The following ASB18 variants were observed in gnomAD, a reference collection of about 807,000 sequenced individuals.
ASB18 encodes the protein ankyrin repeat and SOCS box protein 18.
Under a neutral mutation model 33.4 loss-of-function variants are expected in ASB18, and 33 were observed. The ratio of observed to expected loss-of-function variants is 0.99; its 90% CI spans 0.75 to 1.32. ASB18 has a LOEUF of 1.32. ASB18 is among the 40% of genes most tolerant of loss of function. ASB18 has a pLI of 0.00. For missense variants in ASB18, 694 were observed against 655.5 expected (o/e 1.06, Z -0.64); for synonymous variants, 295 against 307.6 (o/e 0.96, Z 0.43).
rs2060479234 is a variant in ASB18 at position 236,214,839 on chromosome 2, C to T, written c.624G>A (p.Gly208=). 2 of 1,212,770 alleles carry T rather than the reference C, an allele frequency of 1.6e-6. No homozygotes were observed. Among genetic ancestry groups the T allele is most frequent in the African/African-American group, 1.6e-5 (1 of 63,216 alleles). 75.1% of individuals were successfully genotyped at this position (1,212,770 alleles called of 1,614,324 possible). The change falls in exon 4 of 6, where the codon GGG becomes GGA. Residue 208 remains glycine, a synonymous_variant. Transcript: ENST00000409749. The surrounding 1 kb of genome is among the most constrained non-coding windows in gnomAD (Gnocchi z 6.5). ...TGCCGCCCACGCGCTGCACCGAGGCCCCGTGCTCCAGCAGCGCCTGCGCGC... is the reference window on the plus strand; with the variant it reads ...TGCCGCCCACGCGCTGCACCGAGGCTCCGTGCTCCAGCAGCGCCTGCGCGC... ...LGCAQALLEH[G]ASVQRVGGTG...
Position 236,199,227 on chromosome 2 carries a change from CATG to C in ASB18, c.1102-2845_1102-2843del, listed in dbSNP as rs1402990813. Among the ~76,000 whole-genome samples the C allele has an allele frequency of 3.3e-5, 5 of 151,942 alleles. No homozygotes were observed. The East Asian group carries it at 7.7e-4, about 23-fold the overall frequency. On this transcript the variant is annotated intron_variant, in intron 4 of 5. Transcript: ENST00000409749. ...AGGAGTTCAAGACCAGCCTGACCAACATGATGAAACCCCTTCTCTACTAAAAAT... is the reference window on the plus strand; with the variant it reads ...AGGAGTTCAAGACCAGCCTGACCAACATGAAACCCCTTCTCTACTAAAAAT...
At position 236,244,614 on chromosome 2, in the gene ASB18, C is replaced by T. The variant is rs2060636031; in HGVS notation, c.206-3212G>A. On this transcript the variant is annotated intron_variant, in intron 1 of 5. Coordinates refer to ENST00000409749, the MANE Select transcript of ASB18 (RefSeq NM_212556.4). The surrounding 1 kb of genome is among the most constrained non-coding windows in gnomAD (Gnocchi z 6.1). ...AAAGGCTGCCTTGTGACTCCCCCTA[C>T]CCCTCGTCAAGTGCCCCCCGACCTC... Among the ~76,000 whole-genome samples, 2 of 152,052 alleles carry T rather than the reference C, an allele frequency of 1.3e-5. No homozygotes were observed. The highest frequency in any genetic ancestry group is 1.3e-4 in the Admixed American group (2 of 15,260).
At position 236,260,192 on chromosome 2, in the gene ASB18, C is replaced by T. The variant is rs1181300656; in HGVS notation, c.205+3949G>A. Among the ~76,000 whole-genome samples, 2 of 123,730 alleles carry T rather than the reference C, an allele frequency of 1.6e-5. No homozygotes were observed. Among genetic ancestry groups the T allele is most frequent in the African/African-American group, 8.9e-5 (2 of 22,546 alleles). 81.2% of individuals were successfully genotyped at this position (123,730 alleles called of 152,430 possible). ...TTTAGAATAAAACTCAGAGTTCTGT[C>T]TACTGGGCTTGTCCTTGGGATAGAA... On this transcript the variant is annotated intron_variant, in intron 1 of 5. Transcript: ENST00000409749. This position sits in a 1 kb window ranked among gnomAD's most constrained non-coding sequence, Gnocchi z 5.1.
chr2:236,214,627 AGCAGCG>A lies in ASB18; in HGVS notation c.830_835del (p.Ala277_Leu279delinsVal). ...GTCCGCCTCCGCCCCGCGCCGCAGCAGCAGCGCGCACAGGCGCAGGCAGCGCCCGTG... is the reference window on the plus strand; with the variant it reads ...GTCCGCCTCCGCCCCGCGCCGCAGCACGCACAGGCGCAGGCAGCGCCCGTG... On this transcript the variant is annotated inframe_deletion, in exon 4 of 6. Coordinates refer to ENST00000409749, the MANE Select transcript of ASB18 (RefSeq NM_212556.4). This position sits in a 1 kb window ranked among gnomAD's most constrained non-coding sequence, Gnocchi z 6.5. 2 of 1,191,298 alleles carry A rather than the reference AGCAGCG, an allele frequency of 1.7e-6. No homozygotes were observed. Among genetic ancestry groups the A allele is most frequent in the East Asian group, 7.8e-5 (2 of 25,656 alleles). 73.8% of individuals were successfully genotyped at this position (1,191,298 alleles called of 1,614,324 possible).
intron 3 of ASB18, among the ~76,000 whole-genome samples, chr2:236,233,346 T>C (rs1441461830): frequency 6.6e-6 from 1 of 152,120 alleles, no homozygotes; most frequent in Non-Finnish European, 1.5e-5. Context: ...TAGTGGTGAA[T>C]TAATGTTTTC....
In ASB18 at chr2:236,256,646, T is replaced by G. The variant is rs190045051; in HGVS notation, c.205+7495A>C. Among the ~76,000 whole-genome samples, 1 of 152,230 alleles carries G rather than the reference T, an allele frequency of 6.6e-6. No homozygotes were observed. ...TGGGGATGATGTTAATAGATGGATGTCATCAGCATACATTATTTCTTTATT... is the reference window on the plus strand; with the variant it reads ...TGGGGATGATGTTAATAGATGGATGGCATCAGCATACATTATTTCTTTATT... On this transcript the variant is annotated intron_variant, in intron 1 of 5. Transcript: ENST00000409749. This position sits in a 1 kb window ranked among gnomAD's most constrained non-coding sequence, Gnocchi z 4.7.
At chr2:236,212,856 C>G (rs756078046) in intron 4 of ASB18, among the ~76,000 whole-genome samples, 18 of 152,118 alleles carry the variant, frequency 1.2e-4, no homozygotes, top group Non-Finnish European at 2.2e-4. Flanking sequence ...TCTTAAACTC[C>G]TGGACTCAAG....
rs531354787 is a variant in ASB18 at position 236,235,566 on chromosome 2, A to T, written c.596+2123T>A. 5.9e-5 allele frequency among the ~76,000 whole-genome samples: 9 copies of T among 152,392 alleles called. No homozygotes were observed. The East Asian group carries it at 1.7e-3, about 29-fold the overall frequency. On this transcript the variant is annotated intron_variant, in intron 3 of 5. Transcript: ENST00000409749. The surrounding 1 kb of genome is among the most constrained non-coding windows in gnomAD (Gnocchi z 6.2). ...ATCAAAACTATAACAAGACATGTGT[A>T]CACACCTATTAGAATGTATACAATT...
At position 236,251,349 on chromosome 2, in the gene ASB18, G is replaced by A. The variant is rs2060668443; in HGVS notation, c.206-9947C>T. Among the ~76,000 whole-genome samples, 2 of 152,164 alleles carry A rather than the reference G, an allele frequency of 1.3e-5. No homozygotes were observed. The highest frequency in any genetic ancestry group is 4.2e-4 in the South Asian group (2 of 4,818). ...CGTTGCTGGAAAGCGTATCATTGAA[G>A]CTCTCCCTGATAAAGGTGACGAAGT... On this transcript the variant is annotated intron_variant, in intron 1 of 5. Coordinates refer to ENST00000409749, the MANE Select transcript of ASB18 (RefSeq NM_212556.4). This position sits in a 1 kb window ranked among gnomAD's most constrained non-coding sequence, Gnocchi z 5.3.
rs2060494789 is a variant in ASB18, at chr2:236,217,840, G to A, written c.597-2974C>T. Among the ~76,000 whole-genome samples the A allele has an allele frequency of 6.6e-6, 1 of 152,180 alleles. No homozygotes were observed. Among genetic ancestry groups the A allele is most frequent in the South Asian group, 2.1e-4 (1 of 4,826 alleles). ...TTGGGACCAGGACTGGCTAAGGGAGGATGCAAATTTTACAGTCAGAGCGCT... is the reference window on the plus strand; with the variant it reads ...TTGGGACCAGGACTGGCTAAGGGAGAATGCAAATTTTACAGTCAGAGCGCT... On this transcript the variant is annotated intron_variant, in intron 3 of 5. Transcript: ENST00000409749. The surrounding 1 kb of genome is among the most constrained non-coding windows in gnomAD (Gnocchi z 5.2).
At position 236,202,794 on chromosome 2, in the gene ASB18, AATAT is replaced by A. The variant is rs35425799; in HGVS notation, c.1102-6413_1102-6410del. Among the ~76,000 whole-genome samples the A allele has an allele frequency of 1.2e-3, 141 of 117,684 alleles. 2 individuals carry two copies. The highest frequency in any genetic ancestry group is 4.6e-3 in the Middle Eastern group (1 of 218). 77.2% of individuals were successfully genotyped at this position (117,684 alleles called of 152,430 possible). A position where few individuals can be genotyped will look rare whatever the true frequency, so the allele number is the denominator to read the frequency against. On this transcript the variant is annotated intron_variant, in intron 4 of 5. Transcript: ENST00000409749. ...CTCCGTCTCAAAAAAAAAAAAAAAA[AATAT>A]ATATATATATATATATACACACACC...
chr2:236,223,806 C>T lies in ASB18; in HGVS notation c.597-8940G>A, dbSNP rs1270985272. On this transcript the variant is annotated intron_variant, in intron 3 of 5. Transcript: ENST00000409749. This position sits in a 1 kb window ranked among gnomAD's most constrained non-coding sequence, Gnocchi z 4.6. ...TTTGTATCTGGCTTCTTTTGCTCAGCATCATGCTGTTCACATTCATCCATA... is the reference window on the plus strand; with the variant it reads ...TTTGTATCTGGCTTCTTTTGCTCAGTATCATGCTGTTCACATTCATCCATA... Among the ~76,000 whole-genome samples, 2 of 152,166 alleles carry T rather than the reference C, an allele frequency of 1.3e-5. No individual in the cohort carries two copies. The highest frequency in any genetic ancestry group is 2.9e-5 in the Non-Finnish European group (2 of 68,024).
Position 236,237,654 on chromosome 2 carries a change from G to T in ASB18, c.596+35C>A. 7.3e-7 allele frequency: 1 copy of T among 1,366,014 alleles called. No homozygotes were observed. The highest frequency in any genetic ancestry group is 9.4e-7 in the Non-Finnish European group (1 of 1,066,776). The allele number at this position is 1,366,014 out of a possible 1,614,324, so 84.6% of individuals were successfully genotyped here. Reference sequence around the variant, plus strand: ...GAGGCGGGCGTCTGGTCTCGGGGCGGGGCGGACGCCGCGGGCCTGTCCCGA... The same window carrying T: ...GAGGCGGGCGTCTGGTCTCGGGGCGTGGCGGACGCCGCGGGCCTGTCCCGA... On this transcript the variant is annotated intron_variant, in intron 3 of 5. Transcript: ENST00000409749. The surrounding 1 kb of genome is among the most constrained non-coding windows in gnomAD (Gnocchi z 6.2).
At position 236,244,018 on chromosome 2, in the gene ASB18, G is replaced by C. The variant is rs1237831787; in HGVS notation, c.206-2616C>G. Among the ~76,000 whole-genome samples, 1 of 152,094 alleles carries C rather than the reference G, an allele frequency of 6.6e-6. No individual in the cohort carries two copies. Among genetic ancestry groups the C allele is most frequent in the South Asian group, 2.1e-4 (1 of 4,824 alleles). On this transcript the variant is annotated intron_variant, in intron 1 of 5. Coordinates refer to ENST00000409749, the MANE Select transcript of ASB18 (RefSeq NM_212556.4). This position sits in a 1 kb window ranked among gnomAD's most constrained non-coding sequence, Gnocchi z 6.1. ...ATTTTTTAATTTTTAGTAGAGACAG[G>C]GTTTCACCTTGTTGGCTAGGCTGGT... is the stretch of plus-strand genomic sequence containing the variant.
rs2060516547 is a variant in ASB18 at position 236,222,294 on chromosome 2, G to A, written c.597-7428C>T. On this transcript the variant is annotated intron_variant, in intron 3 of 5. Transcript: ENST00000409749. The surrounding 1 kb of genome is among the most constrained non-coding windows in gnomAD (Gnocchi z 5.5). ...AATGTTTACAATTGAAATGGCTGATGTGAATAGACAAATCCTTCAGGGTAG... is the reference window on the plus strand; with the variant it reads ...AATGTTTACAATTGAAATGGCTGATATGAATAGACAAATCCTTCAGGGTAG... Among the ~76,000 whole-genome samples the A allele has an allele frequency of 6.6e-6, 1 of 152,202 alleles. No individual in the cohort carries two copies. Among genetic ancestry groups the A allele is most frequent in the Admixed American group, 6.5e-5 (1 of 15,276 alleles).
Position 236,213,475 on chromosome 2 carries a change from C to G in ASB18, c.1101+887G>C, listed in dbSNP as rs1318144069. On this transcript the variant is annotated intron_variant, in intron 4 of 5. Coordinates refer to ENST00000409749, the MANE Select transcript of ASB18 (RefSeq NM_212556.4). The surrounding 1 kb of genome is among the most constrained non-coding windows in gnomAD (Gnocchi z 4.8). ...TGTCTTATGTCTATGAGTGATGAGTCTTGGTTGATGGAGATAATTTTTAAA... is the reference window on the plus strand; with the variant it reads ...TGTCTTATGTCTATGAGTGATGAGTGTTGGTTGATGGAGATAATTTTTAAA... Among the ~76,000 whole-genome samples the G allele has an allele frequency of 6.6e-6, 1 of 152,040 alleles. No individual in the cohort carries two copies. The highest frequency in any genetic ancestry group is 2.4e-5 in the African/African-American group (1 of 41,388).
Position 236,194,634 on chromosome 2 carries a change from G to A in ASB18, c.*238C>T, listed in dbSNP as rs569459318. On this transcript the variant is annotated 3_prime_UTR_variant, in exon 6 of 6. Coordinates refer to ENST00000409749, the MANE Select transcript of ASB18 (RefSeq NM_212556.4). This position sits in a 1 kb window ranked among gnomAD's most constrained non-coding sequence, Gnocchi z 4.5. ...CTTTCCCAGACCAAGTGCTGTGATAGTCACGATTTCACTGGATTTTCACAA... is the reference window on the plus strand; with the variant it reads ...CTTTCCCAGACCAAGTGCTGTGATAATCACGATTTCACTGGATTTTCACAA... Among the ~76,000 whole-genome samples, 28 of 152,340 alleles carry A rather than the reference G, an allele frequency of 1.8e-4. 1 individual carries two copies. In the South Asian group the frequency reaches 4.6e-3, roughly 25 times the overall value.
intron 3 of ASB18, among the ~76,000 whole-genome samples, chr2:236,227,151 G>A (rs992097654): frequency 2.0e-5 from 3 of 152,100 alleles, no homozygotes; most frequent in African/African-American, 7.2e-5. Flanking sequence ...CGGGGAGGGA[G>A]GAATGGTGAA....
At position 236,217,127 on chromosome 2, in the gene ASB18, G is replaced by T. The variant is rs535834732; in HGVS notation, c.597-2261C>A. Among the ~76,000 whole-genome samples the T allele has an allele frequency of 8.3e-4, 126 of 152,298 alleles. No individual in the cohort carries two copies. Among genetic ancestry groups the T allele is most frequent in the African/African-American group, 3.0e-3 (124 of 41,562 alleles). On this transcript the variant is annotated intron_variant, in intron 3 of 5. Coordinates refer to ENST00000409749, the MANE Select transcript of ASB18 (RefSeq NM_212556.4). The surrounding 1 kb of genome is among the most constrained non-coding windows in gnomAD (Gnocchi z 5.2). ...ACCCCATATTTCAAATATTTGTTGG[G>T]CCAGGCGCGGTGGCTCATGCCGGTA...
Sources: allele counts gnomAD v4.1 joint callset (sites outside exome capture counted in the v4.1 genomes callset), GRCh38; gene constraint gnomAD v4.1.1; non-coding constraint Gnocchi (gnomAD v3.1); transcripts MANE v1.5; gene names NCBI Gene and HGNC (gene_info 2026-07-23, HGNC 2026-07-21).